The following PDE7B variants were observed in gnomAD, a reference collection of about 807,000 sequenced individuals.
The protein encoded by PDE7B is 3',5'-cyclic-AMP phosphodiesterase 7B.
Under a neutral mutation model 56.2 loss-of-function variants are expected in PDE7B, and 29 were observed. That is an observed-to-expected ratio of 0.52 (90% CI 0.38 to 0.70). PDE7B has a LOEUF of 0.70. Ranked by LOEUF, PDE7B falls within the 30% of genes least tolerant of loss-of-function variation. The pLI is 0.00. For missense variants in PDE7B, 490 were observed against 565.0 expected (o/e 0.87, Z 1.35); for synonymous variants, 197 against 196.9 (o/e 1.00, Z 0.00).
At chr6:136,117,229 GT>G (rs1777848519) in intron 3 of PDE7B, 1 of 152,124 alleles carries the variant, frequency 6.6e-6, no homozygotes, top group African/African-American at 2.4e-5. Context: ...TTTTACTGAA[GT>G]TACCTATGAG....
intron 1 of PDE7B, among the ~76,000 whole-genome samples, chr6:135,910,470 T>G (rs558192311): frequency 1.3e-5 from 2 of 152,324 alleles, no homozygotes; most frequent in African/African-American, 4.8e-5. Context: ...CAGCAAAATT[T>G]GGAGGAAGAT....
intron 2 of PDE7B, among the ~76,000 whole-genome samples, chr6:135,990,792 T>C (rs1049101426): frequency 6.6e-6 from 1 of 152,214 alleles, no homozygotes; most frequent in Admixed American, 6.5e-5. Context: ...TCTTGGATCT[T>C]ATGCAAGAAT....
rs1157279153 is a variant in PDE7B at position 135,935,132 on chromosome 6, TATATA to T, written c.22-12331_22-12327del. Among the ~76,000 whole-genome samples the T allele has an allele frequency of 1.3e-4, 13 of 99,322 alleles. 1 individual carries two copies. Among genetic ancestry groups the T allele is most frequent in the African/African-American group, 5.4e-4 (13 of 24,214 alleles). The allele number at this position is 99,322 out of a possible 152,430, so 65.2% of individuals were successfully genotyped here. A position where few individuals can be genotyped will look rare whatever the true frequency, so the allele number is the denominator to read the frequency against. On this transcript the variant is annotated intron_variant, in intron 1 of 12. Transcript: ENST00000308191. ...ATATTTTATATAGAGAGAGATGAAGTATATATTTATATATAAATAAATATATGAGA... is the reference window on the plus strand; with the variant it reads ...ATATTTTATATAGAGAGAGATGAAGTTTTATATATAAATAAATATATGAGA...
At chr6:136,108,666 A>G in intron 2 of PDE7B, 65 bp from the exon 3 acceptor site, 1 of 1,054,616 alleles carries the variant, frequency 9.5e-7, no homozygotes, top group Non-Finnish European at 1.5e-6. Context: ...TTGAGGATTT[A>G]CAGGGGAAAA....
chr6:135,917,006 C>T (rs987908924), intron 1 of PDE7B, among the ~76,000 whole-genome samples: 3 of 152,078 alleles, frequency 2.0e-5, no homozygotes, highest in African/African-American at 7.2e-5. Context: ...TGTAAGAAAT[C>T]TTTGCTTAAC....
intron 9 of PDE7B, among the ~76,000 whole-genome samples, chr6:136,177,585 C>T (rs544538841): frequency 2.0e-5 from 3 of 152,252 alleles, no homozygotes; most frequent in South Asian, 4.1e-4. Context: ...ATTAAAACTA[C>T]AGTGAGTTGC....
At chr6:136,170,144 T>C (rs1778856330) in intron 8 of PDE7B, among the ~76,000 whole-genome samples, 1 of 152,166 alleles carries the variant, frequency 6.6e-6, no homozygotes, top group Non-Finnish European at 1.5e-5. Context: ...TCCTTCCTCA[T>C]TTGCTGAAAA....
At chr6:135,939,390 G>A (rs1350158349) in intron 1 of PDE7B, among the ~76,000 whole-genome samples, 1 of 152,190 alleles carries the variant, frequency 6.6e-6, no homozygotes, top group African/African-American at 2.4e-5. Context: ...GTTGTTGCTG[G>A]AGATCTGCAC....
At position 136,191,875 on chromosome 6, in the gene PDE7B, C is replaced by G; in HGVS notation, c.*35C>G. 1 of 1,493,746 alleles carries G rather than the reference C, an allele frequency of 6.7e-7. No individual in the cohort carries two copies. Among genetic ancestry groups the G allele is most frequent in the East Asian group, 2.5e-5 (1 of 40,606 alleles). 92.5% of individuals were successfully genotyped at this position (1,493,746 alleles called of 1,614,324 possible). A position where few individuals can be genotyped will look rare whatever the true frequency, so the allele number is the denominator to read the frequency against. On this transcript the variant is annotated 3_prime_UTR_variant, in exon 13 of 13. Transcript: ENST00000308191. ...CAACTTAGACGCGGCTCTCCTCCGG[C>G]AGGGCCCCCAGAGGGCAGAAGCAGC... is the stretch of plus-strand genomic sequence containing the variant.
intron 3 of PDE7B, among the ~76,000 whole-genome samples, chr6:136,138,277 G>A (rs137929287): frequency 6.6e-6 from 1 of 152,146 alleles, no homozygotes; most frequent in African/African-American, 2.4e-5. Context: ...TATGCACTGG[G>A]AGTCCTTTTG....
intron 1 of PDE7B, among the ~76,000 whole-genome samples, chr6:135,878,884 G>A (rs928126904): frequency 3.3e-5 from 5 of 152,220 alleles, no homozygotes; most frequent in South Asian, 2.1e-4. Context: ...TCACATGTAC[G>A]TATTTTTATG....
chr6:136,006,742 AT>A (rs1257772505), intron 2 of PDE7B, among the ~76,000 whole-genome samples: 1 of 152,020 alleles, frequency 6.6e-6, no homozygotes, highest in Non-Finnish European at 1.5e-5. Flanking sequence ...AAAGCTGGTG[AT>A]TTTTCTACAT....
At chr6:136,176,253 A>T (rs1778975225) in intron 9 of PDE7B, among the ~76,000 whole-genome samples, 1 of 152,060 alleles carries the variant, frequency 6.6e-6, no homozygotes, top group African/African-American at 2.4e-5. Context: ...ATTTCACCTA[A>T]TTAAAATAAT....
intron 2 of PDE7B, among the ~76,000 whole-genome samples, chr6:136,009,238 C>G (rs1385570290): frequency 6.6e-6 from 1 of 151,586 alleles, no homozygotes. Context: ...GTTACTGTAG[C>G]CTTGTAGTAT....
chr6:136,035,800 G>A (rs920871171), intron 2 of PDE7B, among the ~76,000 whole-genome samples: 8 of 152,158 alleles, frequency 5.3e-5, no homozygotes, highest in African/African-American at 1.9e-4. Context: ...CAATGGAAAT[G>A]TATATCCTTG....
At chr6:136,050,159 C>A (rs994488633) in intron 2 of PDE7B, among the ~76,000 whole-genome samples, 1 of 152,334 alleles carries the variant, frequency 6.6e-6, no homozygotes, top group South Asian at 2.1e-4. Context: ...ATCCAATTTT[C>A]TGTCCTTTTC....
intron 12 of PDE7B, 42 bp downstream of exon 12, chr6:136,187,158 C>T (rs1425829147): frequency 6.3e-6 from 6 of 950,754 alleles, no homozygotes; most frequent in African/African-American, 1.6e-5. Flanking sequence ...ATACCTTTGG[C>T]ACATCTCACA....
chr6:135,952,034 G>T (rs556887629), intron 2 of PDE7B, among the ~76,000 whole-genome samples: 3 of 152,118 alleles, frequency 2.0e-5, no homozygotes, highest in African/African-American at 7.2e-5. Context: ...CACAGAAGTT[G>T]CTTCATCTCT....
At chr6:135,921,900 A>G (rs1774089198) in intron 1 of PDE7B, among the ~76,000 whole-genome samples, 1 of 152,126 alleles carries the variant, frequency 6.6e-6, no homozygotes. Flanking sequence ...TCCCAAAAGC[A>G]TCCCCAAAAC....
Sources: gnomAD v4.1 joint callset for allele counts (sites outside exome capture counted in the v4.1 genomes callset) on GRCh38, gnomAD v4.1.1 for gene constraint, MANE v1.5 for transcripts, NCBI Gene and HGNC (gene_info 2026-07-23, HGNC 2026-07-21) for gene names.